Variants in VPS35L observed in about 807,000 individuals in gnomAD.
The protein encoded by VPS35L is VPS35 endosomal protein sorting factor like.
Under a neutral mutation model 133.0 loss-of-function variants are expected in VPS35L, and 83 were observed. That is an observed-to-expected ratio of 0.62 (90% confidence interval 0.52 to 0.75). The LOEUF (loss-of-function observed/expected upper bound fraction) is 0.75. VPS35L is among the 30% of genes least tolerant of loss of function. The pLI, the probability that VPS35L is intolerant of heterozygous loss-of-function variation, is 0.00. For missense variants in VPS35L, 1,083 were observed against 1,206.8 expected, an observed-to-expected ratio of 0.90 and a Z score of 1.52; for synonymous variants, 423 against 449.9, an observed-to-expected ratio of 0.94 and a Z score of 0.76.
chr16:19,636,994 C>T (rs890734186), intron 19 of VPS35L, among the ~76,000 whole-genome samples: 1 of 152,184 alleles, frequency 6.6e-6, no homozygotes, highest in Non-Finnish European at 1.5e-5. Flanking sequence ...CAGGGCCACA[C>T]GATGATGTAG....
At chr16:19,626,870 GTC>G (rs1321177461) in intron 15 of VPS35L, among the ~76,000 whole-genome samples, 2 of 151,414 alleles carry the variant, frequency 1.3e-5, no homozygotes, top group African/African-American at 4.9e-5. Flanking sequence ...ATATGAGGTT[GTC>G]TCTCTGCTTT....
At position 19,609,028 on chromosome 16, in the gene VPS35L, C is replaced by T; in HGVS notation, c.929+7C>T. On this transcript the variant is annotated splice_region_variant and intron_variant, in intron 11 of 30. Transcript: ENST00000417362. ...ACAAATTCCTCTCCAAAACGTAAGG[C>T]TCTTCGGTAAAATCTAGAACCATAA... 1 of 1,612,436 alleles carries T rather than the reference C, an allele frequency of 6.2e-7. No homozygotes were observed. Among genetic ancestry groups the T allele is most frequent in the East Asian group, 2.2e-5 (1 of 44,868 alleles).
chr16:19,586,712 CT>C (rs1213197534), intron 7 of VPS35L, among the ~76,000 whole-genome samples: 1 of 152,182 alleles, frequency 6.6e-6, no homozygotes, highest in Non-Finnish European at 1.5e-5. Context: ...TATCTAAGAA[CT>C]CTTTGCCTAG....
At chr16:19,627,959 G>A (rs1005767695) in intron 16 of VPS35L, among the ~76,000 whole-genome samples, 154 bp downstream of exon 16, 2 of 152,170 alleles carry the variant, frequency 1.3e-5, no homozygotes, top group East Asian at 1.9e-4. Flanking sequence ...TGAGTTAGAG[G>A]TTGGGATTGT....
intron 26 of VPS35L, among the ~76,000 whole-genome samples, chr16:19,661,272 A>AT (rs1339998998): frequency 6.7e-6 from 1 of 150,024 alleles, no homozygotes; most frequent in Non-Finnish European, 1.5e-5. Flanking sequence ...GCCCCCCTCT[A>AT]TTTTTTTTCC....
chr16:19,674,184 C>CTTTTTTTTTTTTTTTTTTT (rs201038834), intron 27 of VPS35L, among the ~76,000 whole-genome samples: 5 of 70,904 alleles, frequency 7.1e-5, no homozygotes, highest in African/African-American at 2.5e-4. Context: ...TTTTCTTTTT[C>CTTTTTTTTTTTTTTTTTTT]TTTTTTTTTT....
At chr16:19,622,297 C>T (rs1489850452) in intron 14 of VPS35L, among the ~76,000 whole-genome samples, 1 of 151,894 alleles carries the variant, frequency 6.6e-6, no homozygotes, top group East Asian at 1.9e-4. Context: ...GCCACGCCAC[C>T]ACGCCCGGCT....
chr16:19,618,325 G>A (rs1319857342), intron 14 of VPS35L, among the ~76,000 whole-genome samples: 2 of 152,044 alleles, frequency 1.3e-5, no homozygotes, highest in East Asian at 1.9e-4. Flanking sequence ...TAAGTTAGAC[G>A]AGTGCATAAA....
chr16:19,631,837 T>C (rs1429010473), intron 18 of VPS35L, among the ~76,000 whole-genome samples: 2 of 151,246 alleles, frequency 1.3e-5, no homozygotes, highest in Non-Finnish European at 3.0e-5. Context: ...GCCTCCCGAG[T>C]GGCTGGGACC....
intron 29 of VPS35L, among the ~76,000 whole-genome samples, chr16:19,697,285 C>G (rs1975949300): frequency 6.6e-6 from 1 of 152,090 alleles, no homozygotes; most frequent in Non-Finnish European, 1.5e-5. Flanking sequence ...AGGGGAGGTG[C>G]CGAAGAGTCT....
intron 28 of VPS35L, among the ~76,000 whole-genome samples, chr16:19,683,309 A>G (rs1295524963): frequency 6.6e-6 from 1 of 152,212 alleles, no homozygotes; most frequent in African/African-American, 2.4e-5. Flanking sequence ...TAAAAAAATA[A>G]TTATAATAAT....
intron 28 of VPS35L, among the ~76,000 whole-genome samples, chr16:19,689,032 T>G (rs1330117465): frequency 2.7e-5 from 4 of 149,272 alleles, no homozygotes; most frequent in Admixed American, 6.7e-5. Context: ...CCTTACCCGG[T>G]GTCTCTTCTT....
intron 28 of VPS35L, among the ~76,000 whole-genome samples, chr16:19,690,885 C>G (rs972820732): frequency 1.4e-4 from 21 of 152,176 alleles, no homozygotes; most frequent in South Asian, 2.1e-4. Context: ...ACTGCTTGAG[C>G]CTTGAGGCGG....
intron 26 of VPS35L, among the ~76,000 whole-genome samples, chr16:19,654,544 T>C (rs1387571062): frequency 4.7e-5 from 7 of 149,468 alleles, no homozygotes; most frequent in African/African-American, 1.7e-4. Context: ...CAAGACTGTC[T>C]TGAAAAAAAA....
intron 7 of VPS35L, among the ~76,000 whole-genome samples, chr16:19,590,051 C>T (rs537897606): frequency 1.3e-5 from 2 of 150,698 alleles, no homozygotes; most frequent in South Asian, 2.1e-4. Context: ...AATCGCAGAG[C>T]GAGGTGTCAG....
At position 19,591,852 on chromosome 16, in the gene VPS35L, C is replaced by T. The variant is rs780252185; in HGVS notation, c.702C>T (p.Ile234=). The T allele has an allele frequency of 6.2e-7, 1 of 1,608,842 alleles. No individual in the cohort carries two copies. The highest frequency in any genetic ancestry group is 1.7e-5 in the Admixed American group (1 of 59,948). ...IQFYPSKFVL[I]TDILDTFGKL... is the part of the protein sequence containing the mutation. Reference sequence around the variant, plus strand: ...TCTACCCAAGCAAATTTGTCCTTATCACCGACATACTTGATACATTTGGTA... The same window carrying T: ...TCTACCCAAGCAAATTTGTCCTTATTACCGACATACTTGATACATTTGGTA... Residue 234 remains isoleucine, a synonymous_variant, in exon 8 of 31, where the codon ATC becomes ATT. Transcript: ENST00000417362.
chr16:19,617,688 A>G (rs959381437), intron 14 of VPS35L: 1 of 152,158 alleles, frequency 6.6e-6, no homozygotes, highest in African/African-American at 2.4e-5. Flanking sequence ...TAGAACACCA[A>G]TTCAAACTGT....
intron 26 of VPS35L, among the ~76,000 whole-genome samples, chr16:19,659,977 A>T (rs933381880): frequency 8.5e-5 from 13 of 152,178 alleles, no homozygotes; most frequent in Admixed American, 6.5e-4. Flanking sequence ...CTGCTTTACT[A>T]ATACACATTC....
At chr16:19,666,044 TAG>T (rs1234643606) in intron 26 of VPS35L, among the ~76,000 whole-genome samples, 2 of 152,282 alleles carry the variant, frequency 1.3e-5, no homozygotes, top group South Asian at 2.1e-4. Context: ...TTTTTTCCTA[TAG>T]AGTTGTTTGA....
Sources: allele counts gnomAD v4.1 joint callset (sites outside exome capture counted in the v4.1 genomes callset), GRCh38; gene constraint gnomAD v4.1.1; transcripts MANE v1.5; gene names NCBI Gene and HGNC (gene_info 2026-07-23, HGNC 2026-07-21).